DLGAP4: variants seen among roughly 807,000 people sequenced by gnomAD.
DLGAP4 encodes the protein disks large-associated protein 4.
A neutral mutation model predicts 86.9 loss-of-function variants in DLGAP4; 18 were observed. The ratio of observed to expected loss-of-function variants is 0.21; its 90% CI spans 0.14 to 0.31. The LOEUF (loss-of-function observed/expected upper bound fraction) is 0.31. Among genes scored for constraint, DLGAP4 ranks in the 10% least tolerant of loss-of-function variants. The pLI, the probability that DLGAP4 is intolerant of heterozygous loss-of-function variation, is 1.00. For synonymous variants in DLGAP4, 548 were observed against 574.3 expected (o/e 0.95, Z 0.65); for missense variants, 1,085 against 1,362.6 (o/e 0.80, Z 3.21).
chr20:36,486,827 G>T (rs1443191873), intron 7 of DLGAP4, among the ~76,000 whole-genome samples: 1 of 151,898 alleles, frequency 6.6e-6, no homozygotes, highest in East Asian at 1.9e-4. Flanking sequence ...GGCCAGGCTG[G>T]TCTCAAACTC....
At chr20:36,453,283 C>A (rs2033788559) in intron 7 of DLGAP4, among the ~76,000 whole-genome samples, 1 of 152,132 alleles carries the variant, frequency 6.6e-6, no homozygotes, top group East Asian at 1.9e-4. Flanking sequence ...TAGTGAGACT[C>A]CATCTCTACA....
At chr20:36,386,240 GT>G (rs1194769674) in intron 2 of DLGAP4, among the ~76,000 whole-genome samples, 1 of 152,162 alleles carries the variant, frequency 6.6e-6, no homozygotes, top group Non-Finnish European at 1.5e-5. Flanking sequence ...TGGGGCCAGG[GT>G]CAGGGGTCAT....
chr20:36,414,924 C>A (rs1290219587), intron 2 of DLGAP4, among the ~76,000 whole-genome samples: 1 of 152,150 alleles, frequency 6.6e-6, no homozygotes, highest in Non-Finnish European at 1.5e-5. Flanking sequence ...GAGGGCCATG[C>A]AGAAAGAGCT....
intron 1 of DLGAP4, among the ~76,000 whole-genome samples, chr20:36,362,974 A>G (rs1163651037): frequency 6.6e-6 from 1 of 152,214 alleles, no homozygotes. Context: ...GCCCAAGGTC[A>G]TGCAGCCACG....
rs1379338083 is a variant in DLGAP4, at chr20:36,393,698, AG to A, written c.-73+26429del. ...ACCCTGGCACTTAGGAGGGAAGGAA[AG>A]GGGGGCTCTGTGCCTGCACCCTTTG... On this transcript the variant is annotated intron_variant, in intron 2 of 12. Transcript: ENST00000339266. This position sits in a 1 kb window ranked among gnomAD's most constrained non-coding sequence, Gnocchi z 4.4. Among the ~76,000 whole-genome samples the A allele has an allele frequency of 2.6e-5, 4 of 152,154 alleles. No homozygotes were observed. Among genetic ancestry groups the A allele is most frequent in the African/African-American group, 9.7e-5 (4 of 41,426 alleles).
chr20:36,524,985 G>A (rs1211516707), intron 11 of DLGAP4, among the ~76,000 whole-genome samples: 3 of 151,950 alleles, frequency 2.0e-5, no homozygotes, highest in Non-Finnish European at 2.9e-5. Context: ...TTGGGAGGCC[G>A]AGGCAGGCAG....
At chr20:36,342,861 G>T (rs538967615) in intron 1 of DLGAP4, among the ~76,000 whole-genome samples, 24 of 152,220 alleles carry the variant, frequency 1.6e-4, no homozygotes, top group Non-Finnish European at 2.5e-4. Context: ...CAGCAGAGGC[G>T]ACATTTGTGC....
chr20:36,341,814 C>A (rs926395683), intron 1 of DLGAP4, among the ~76,000 whole-genome samples: 8 of 152,198 alleles, frequency 5.3e-5, no homozygotes, highest in Non-Finnish European at 8.8e-5. Context: ...GCCTGTCGTC[C>A]CAGCTTCCGC....
intron 2 of DLGAP4, among the ~76,000 whole-genome samples, chr20:36,397,225 G>A (rs1555898068): frequency 5.9e-5 from 9 of 152,182 alleles, no homozygotes; most frequent in Non-Finnish European, 1.3e-4. Flanking sequence ...GAGCTTGTTA[G>A]AAAATGTAAG....
intron 2 of DLGAP4, among the ~76,000 whole-genome samples, chr20:36,421,971 AG>A (rs1387525300): frequency 1.3e-5 from 2 of 152,094 alleles, no homozygotes; most frequent in Non-Finnish European, 2.9e-5. Flanking sequence ...CAAGGCGGAG[AG>A]CACCCGGGTC....
chr20:36,347,058 G>A (rs1321764278), intron 1 of DLGAP4, among the ~76,000 whole-genome samples: 1 of 152,214 alleles, frequency 6.6e-6, no homozygotes, highest in African/African-American at 2.4e-5. Flanking sequence ...AGCTTTGCCT[G>A]TGCTACTCCC....
rs938917137 is a variant in DLGAP4, at chr20:36,393,867, G to A, written c.-73+26592G>A. Among the ~76,000 whole-genome samples the A allele has an allele frequency of 2.6e-5, 4 of 152,042 alleles. No homozygotes were observed. The highest frequency in any genetic ancestry group is 5.9e-5 in the Non-Finnish European group (4 of 67,974). Reference sequence around the variant, plus strand: ...GCGTTCCAACCCTAGCCTGTGTCTCGGCCAGCCCTGAGGCAGCTGAGGAGG... The same window carrying A: ...GCGTTCCAACCCTAGCCTGTGTCTCAGCCAGCCCTGAGGCAGCTGAGGAGG... On this transcript the variant is annotated intron_variant, in intron 2 of 12. Coordinates refer to ENST00000339266, the MANE Select transcript of DLGAP4 (RefSeq NM_001365621.2). This position sits in a 1 kb window ranked among gnomAD's most constrained non-coding sequence, Gnocchi z 4.4.
intron 1 of DLGAP4, among the ~76,000 whole-genome samples, chr20:36,358,974 GAACTC>G (rs1555894039): frequency 6.6e-6 from 1 of 152,108 alleles, no homozygotes; most frequent in African/African-American, 2.4e-5. Flanking sequence ...AGAAGAAGTG[GAACTC>G]AAGCAGTTCC....
intron 1 of DLGAP4, among the ~76,000 whole-genome samples, chr20:36,330,942 T>G (rs73293668): frequency 6.6e-6 from 1 of 152,164 alleles, no homozygotes. Context: ...CTATTGTCAC[T>G]GTTGTTGTTG....
At chr20:36,508,982 T>C (rs1047403085) in intron 10 of DLGAP4, among the ~76,000 whole-genome samples, 10 of 152,262 alleles carry the variant, frequency 6.6e-5, no homozygotes, top group African/African-American at 2.4e-4. Context: ...ACTTACTTGG[T>C]AAGTGAAAAA....
intron 7 of DLGAP4, among the ~76,000 whole-genome samples, chr20:36,452,405 C>T (rs1185648381): frequency 1.3e-5 from 2 of 152,044 alleles, no homozygotes. Flanking sequence ...GTTTTGAACT[C>T]CTGGGCTCAA....
intron 4 of DLGAP4, 94 bp from the exon 5 acceptor site, chr20:36,439,660 G>C: frequency 9.3e-7 from 1 of 1,076,406 alleles, no homozygotes; most frequent in Non-Finnish European, 1.4e-6. Flanking sequence ...CATCACAGGT[G>C]TGGACCACCT....
At chr20:36,489,512 G>A (rs1295632596) in intron 7 of DLGAP4, among the ~76,000 whole-genome samples, 1 of 152,076 alleles carries the variant, frequency 6.6e-6, no homozygotes, top group African/African-American at 2.4e-5. Flanking sequence ...GCAGATCCTT[G>A]AGGCCCTGAA....
At chr20:36,422,685 T>A (rs1161512167) in intron 2 of DLGAP4, among the ~76,000 whole-genome samples, 2 of 152,078 alleles carry the variant, frequency 1.3e-5, no homozygotes, top group South Asian at 4.2e-4. Flanking sequence ...GGCACCACGA[T>A]GAGATGAGGT....
Sources: gnomAD v4.1 joint callset for allele counts (sites outside exome capture counted in the v4.1 genomes callset) on GRCh38, gnomAD v4.1.1 for gene constraint, Gnocchi (gnomAD v3.1) non-coding constraint, MANE v1.5 for transcripts, NCBI Gene and HGNC (gene_info 2026-07-23, HGNC 2026-07-21) for gene names.